The following BPTF variants were observed in gnomAD, a reference collection of about 807,000 sequenced individuals.
The protein encoded by BPTF is bromodomain PHD finger transcription factor, also known as nucleosome-remodeling factor subunit BPTF.
Under a neutral mutation model 292.5 loss-of-function variants are expected in BPTF, and 18 were observed. That is an observed-to-expected ratio of 0.06 (90% CI 0.04 to 0.09). The LOEUF is 0.09. BPTF is among the 10% of genes least tolerant of loss of function. The pLI is 1.00. For missense variants in BPTF, 2,726 were observed against 3,498.7 expected (o/e 0.78, Z 5.57); for synonymous variants, 1,225 against 1,251.9 (o/e 0.98, Z 0.45).
rs747073968 is a variant in BPTF at position 67,912,529 on chromosome 17, A to C, written c.4645A>C (p.Ile1549Leu). 1 of 1,614,032 alleles carries C rather than the reference A, an allele frequency of 6.2e-7. No homozygotes were observed. Among genetic ancestry groups the C allele is most frequent in the Non-Finnish European group, 8.5e-7 (1 of 1,179,964 alleles). Residue 1549 changes from isoleucine to leucine, a missense_variant, in exon 11 of 28, where the codon ATT (isoleucine) becomes CTT (leucine). Transcript: ENST00000306378. ...SEVKKVTSSP[I>L]TSEEESNLSN... is the part of the protein sequence containing the mutation. The stretch of plus-strand genomic sequence containing the variant: ...AGTTAAGAAAGTTACTTCATCACCT[A>C]TTACTTCTGAAGAGGAATCTAATCT...
intron 23 of BPTF, chr17:67,956,370 C>T (rs1471139518): frequency 6.7e-6 from 1 of 150,342 alleles, no homozygotes; most frequent in Non-Finnish European, 1.5e-5. Context: ...TATGTTGGAG[C>T]ACAGTGGTGC....
At chr17:67,897,201 C>G (rs1006700073) in intron 7 of BPTF, among the ~76,000 whole-genome samples, 1 of 150,968 alleles carries the variant, frequency 6.6e-6, no homozygotes, top group Non-Finnish European at 1.5e-5. Context: ...ATTAACCAGG[C>G]GTGGTGGCAC....
intron 2 of BPTF, among the ~76,000 whole-genome samples, chr17:67,861,437 C>T (rs1349272927): frequency 1.3e-5 from 2 of 151,372 alleles, no homozygotes; most frequent in Non-Finnish European, 2.9e-5. Flanking sequence ...ATTCAAGCGA[C>T]TCCCGAGTGG....
chr17:67,945,803 C>G lies in BPTF; in HGVS notation c.7095C>G (p.Ser2365=), dbSNP rs782295342. Residue 2365 remains serine (S), a synonymous_variant, in exon 21 of 28, where the codon TCC becomes TCG. Transcript: ENST00000306378. The part of the protein sequence containing the change: ...TPSQLSPGQQ[S]QVQTTTSQPI... ...CCCAACTGTCTCCTGGACAACAATC[C>G]CAGGTTCAGACTACAACCTCACAAC... 4 of 1,614,132 alleles carry G rather than the reference C, an allele frequency of 2.5e-6. No homozygotes were observed. Among genetic ancestry groups the G allele is most frequent in the African/African-American group, 1.3e-5 (1 of 75,014 alleles).
In BPTF at chr17:67,972,759, A is replaced by G. The variant is rs906867042; in HGVS notation, c.8540-3013A>G. On this transcript the variant is annotated intron_variant, in intron 26 of 27. Transcript: ENST00000306378. Reference sequence around the variant, plus strand: ...TACCTAATTAACTTGGAACCATACAATGTCCAAGCATTATTCACATACTTT... The same window carrying G: ...TACCTAATTAACTTGGAACCATACAGTGTCCAAGCATTATTCACATACTTT... Among the ~76,000 whole-genome samples the G allele has an allele frequency of 2.6e-5, 4 of 152,022 alleles. No individual in the cohort carries two copies. The South Asian group carries it at 6.2e-4, about 24-fold the overall frequency.
In BPTF at chr17:67,912,505, G is replaced by A. The variant is rs2062721687; in HGVS notation, c.4621G>A (p.Val1541Ile). 1.2e-6 allele frequency: 2 copies of A among 1,613,836 alleles called. No homozygotes were observed. The highest frequency in any genetic ancestry group is 2.7e-5 in the African/African-American group (2 of 74,898). ...AGATATGGAAATAGAAACCTCAGAA[G>A]TTAAGAAAGTTACTTCATCACCTAT... is the stretch of plus-strand genomic sequence containing the variant. ...VEDMEIETSEVKKVTSSPITS... is the reference protein window; with the variant it reads ...VEDMEIETSEIKKVTSSPITS... Residue 1541 changes from valine (V) to isoleucine (I), a missense_variant, in exon 11 of 28, where the codon GTT becomes ATT. Val to Ile is a conservative substitution (Grantham distance 29). Around this residue, in one of 22 missense-constraint regions of BPTF, gnomAD observed 713 missense variants for 714.9 expected, o/e 1.00. Transcript: ENST00000306378.
In BPTF at chr17:67,911,925, C is replaced by T. The variant is rs1316772458; in HGVS notation, c.4041C>T (p.Asp1347=). The T allele has an allele frequency of 1.9e-6, 3 of 1,614,006 alleles. No individual in the cohort carries two copies. The Admixed American group carries it at 5.0e-5, about 27-fold the overall frequency. ...VSGESTGNCE[D]RLPVKGTEAN... ...GTGAGTCCACTGGAAACTGTGAGGA[C>T]AGGCTGCCGGTCAAGGGGACTGAAG... The change falls in exon 11 of 28, where the codon GAC becomes GAT. Residue 1347 remains aspartate (D), a synonymous_variant. Coordinates refer to ENST00000306378, the MANE Select transcript of BPTF (RefSeq NM_182641.4).
intron 11 of BPTF, among the ~76,000 whole-genome samples, chr17:67,917,966 C>T (rs1046056716): frequency 7.2e-5 from 11 of 152,262 alleles, no homozygotes; most frequent in African/African-American, 2.2e-4. Context: ...CACCCACCAC[C>T]GCGCCTGGCT....
chr17:67,954,709 G>A (rs2066754235), intron 23 of BPTF, among the ~76,000 whole-genome samples: 1 of 152,072 alleles, frequency 6.6e-6, no homozygotes. Context: ...TCATTTGTAT[G>A]TTTTTGAAGG....
Position 67,959,827 on chromosome 17 carries a change from A to G in BPTF, c.8213A>G (p.Lys2738Arg). The change falls in exon 24 of 28, where the codon AAG becomes AGG. Residue 2738 changes from lysine (K) to arginine (R), a missense_variant. Physicochemically the swap from Lys to Arg is conservative, Grantham distance 26. Transcript: ENST00000306378. ...MISTTSKETK[K>R]DTKLYCICKT... The stretch of plus-strand genomic sequence containing the variant: ...TCTACTACCTCAAAGGAAACTAAGA[A>G]GGACACAAAGCTTTACTGTATCTGT... The G allele has an allele frequency of 4.3e-6, 7 of 1,613,558 alleles. No individual in the cohort carries two copies. Among genetic ancestry groups the G allele is most frequent in the Non-Finnish European group, 5.9e-6 (7 of 1,179,830 alleles).
chr17:67,937,836 C>T (rs2065043884), intron 18 of BPTF, among the ~76,000 whole-genome samples: 3 of 152,156 alleles, frequency 2.0e-5, no homozygotes, highest in South Asian at 2.1e-4. Context: ...GAGATCCGGC[C>T]GGGTACAGTG....
intron 13 of BPTF, among the ~76,000 whole-genome samples, 173 bp from the exon 14 acceptor site, chr17:67,922,663 CACTT>C (rs144732548): frequency 0.017 from 2,626 of 152,272 alleles, 72 homozygotes; most frequent in African/African-American, 0.06. Context: ...CACATTTACT[CACTT>C]ACGTATTGTC....
At chr17:67,900,830 C>T (rs2061782525) in intron 7 of BPTF, among the ~76,000 whole-genome samples, 1 of 151,848 alleles carries the variant, frequency 6.6e-6, no homozygotes, top group African/African-American at 2.4e-5. Context: ...GGCAACATAG[C>T]AAGACTCTGT....
chr17:67,971,579 G>A (rs2068762523), intron 26 of BPTF, among the ~76,000 whole-genome samples: 1 of 151,956 alleles, frequency 6.6e-6, no homozygotes, highest in South Asian at 2.1e-4. Flanking sequence ...GCTGAGGCAG[G>A]CGGATCATGA....
At chr17:67,852,598 T>A (rs2058476330) in intron 1 of BPTF, among the ~76,000 whole-genome samples, 1 of 152,248 alleles carries the variant, frequency 6.6e-6, no homozygotes, top group Non-Finnish European at 1.5e-5. Context: ...TGAATTTGAT[T>A]CCATTCTGTA....
chr17:67,963,504 A>G, intron 24 of BPTF: 2 of 1,523,212 alleles, frequency 1.3e-6, no homozygotes, highest in African/African-American at 1.4e-5. Flanking sequence ...ATGATGAGTC[A>G]CAGTGAGTTC....
intron 1 of BPTF, among the ~76,000 whole-genome samples, chr17:67,849,944 A>C (rs535017479): frequency 6.6e-6 from 1 of 151,236 alleles, no homozygotes; most frequent in Non-Finnish European, 1.5e-5. Flanking sequence ...CCATCTCAGA[A>C]AAAAAAAAAT....
chr17:67,979,169 CAAA>C (rs11376410), intron 27 of BPTF, among the ~76,000 whole-genome samples: 3 of 72,560 alleles, frequency 4.1e-5, no homozygotes, highest in South Asian at 6.0e-4. Flanking sequence ...GACCCTGTCT[CAAA>C]AAAAAAAAAA....
At chr17:67,910,275 G>A (rs1173192162) in intron 10 of BPTF, among the ~76,000 whole-genome samples, 2 of 152,090 alleles carry the variant, frequency 1.3e-5, no homozygotes, top group Non-Finnish European at 2.9e-5. Flanking sequence ...GATGGACATT[G>A]GGCTGTTTCC....
Sources: gnomAD v4.1 joint callset for allele counts (sites outside exome capture counted in the v4.1 genomes callset) on GRCh38, gnomAD v4.1.1 for gene constraint, gnomAD v4.1.1 regional missense constraint, MANE v1.5 for transcripts, NCBI Gene and HGNC (gene_info 2026-07-23, HGNC 2026-07-21) for gene names.